LCP1: variants seen among roughly 807,000 people sequenced by gnomAD.
LCP1 encodes the protein lymphocyte cytosolic protein 1.
In LCP1, 23 loss-of-function variants were observed where a neutral mutation model predicts 72.0. That is an observed-to-expected ratio of 0.32 (90% CI 0.23 to 0.45). The LOEUF (loss-of-function observed/expected upper bound fraction) is 0.45, where lower values mean the gene tolerates loss of function less well. Ranked by LOEUF, LCP1 falls within the 20% of genes least tolerant of loss-of-function variation. The pLI is 1.00. For missense variants in LCP1, 571 were observed against 748.3 expected, an observed-to-expected ratio of 0.76 and a Z score of 2.76; for synonymous variants, 245 against 275.4, an observed-to-expected ratio of 0.89 and a Z score of 1.09.
intron 1 of LCP1, among the ~76,000 whole-genome samples, chr13:46,178,141 A>G (rs1202819164): frequency 6.6e-6 from 1 of 152,204 alleles, no homozygotes; most frequent in African/African-American, 2.4e-5. Flanking sequence ...TATGAAGAGG[A>G]CACCAGACAC....
chr13:46,140,940 C>T (rs547930002), intron 13 of LCP1, among the ~76,000 whole-genome samples: 9 of 152,118 alleles, frequency 5.9e-5, no homozygotes, highest in Non-Finnish European at 1.0e-4. Context: ...ACTAAAGCAT[C>T]GGTGAGCTTA....
At position 46,126,887 on chromosome 13, in the gene LCP1, G is replaced by GA. The variant is rs35072820; in HGVS notation, c.*703dup. On this transcript the variant is annotated 3_prime_UTR_variant, in exon 16 of 16. Transcript: ENST00000323076. Reference sequence around the variant, plus strand: ...AAAAGCAGAGGGGTTCTTAGTGGCTGAAAAAAAACAAAACCTGATGACATT... The same window carrying GA: ...AAAAGCAGAGGGGTTCTTAGTGGCTGAAAAAAAAACAAAACCTGATGACATT... The GA allele has an allele frequency of 3.3e-4, 76 of 229,626 alleles. No individual in the cohort carries two copies. The highest frequency in any genetic ancestry group is 6.4e-4 in the African/African-American group (29 of 45,162). 14.2% of individuals were successfully genotyped at this position (229,626 alleles called of 1,614,324 possible).
intron 1 of LCP1, among the ~76,000 whole-genome samples, chr13:46,177,701 AAAAC>A (rs755648927): frequency 1.1e-4 from 16 of 152,148 alleles, no homozygotes; most frequent in African/African-American, 2.2e-4. Flanking sequence ...TCTGTCTCAA[AAAAC>A]AAACAAACAA....
intron 2 of LCP1, 183 bp downstream of exon 2, chr13:46,159,416 T>G: frequency 1.7e-6 from 1 of 597,982 alleles, no homozygotes; most frequent in Non-Finnish European, 3.0e-6. Context: ...CATGTTTTGA[T>G]AGAGAAAGTC....
At chr13:46,155,887 C>T (rs2045798325) in intron 5 of LCP1, among the ~76,000 whole-genome samples, 1 of 152,196 alleles carries the variant, frequency 6.6e-6, no homozygotes, top group South Asian at 2.1e-4. Flanking sequence ...CTGCTATTAT[C>T]AATTCTATCT....
chr13:46,131,002 G>A, intron 14 of LCP1, 64 bp from the exon 15 acceptor site: 1 of 1,489,776 alleles, frequency 6.7e-7, no homozygotes, highest in Non-Finnish European at 8.9e-7. Context: ...TCAGCTCAAA[G>A]GAAGTGGGTG....
At chr13:46,155,001 G>T (rs1219225577) in intron 5 of LCP1, 115 bp from the exon 6 acceptor site, 6 of 769,560 alleles carry the variant, frequency 7.8e-6, no homozygotes, top group Middle Eastern at 3.3e-4. Context: ...CAGAATCTGT[G>T]ATGTTTAGAT....
chr13:46,150,831 G>T, intron 8 of LCP1, 105 bp downstream of exon 8: 3 of 1,284,036 alleles, frequency 2.3e-6, no homozygotes, highest in Non-Finnish European at 3.3e-6. Flanking sequence ...GACTACCCTG[G>T]AACTTCTGAA....
intron 5 of LCP1, among the ~76,000 whole-genome samples, chr13:46,155,445 G>A (rs2045794604): frequency 6.6e-6 from 1 of 152,142 alleles, no homozygotes; most frequent in African/African-American, 2.4e-5. Context: ...GGTGCCTTGG[G>A]TGGCAACCTA....
intron 15 of LCP1, among the ~76,000 whole-genome samples, chr13:46,128,550 A>T (rs1333248890): frequency 2.0e-5 from 3 of 152,090 alleles, no homozygotes; most frequent in Non-Finnish European, 4.4e-5. Context: ...GTGAGCCAAG[A>T]TCGTGCCACT....
intron 1 of LCP1, among the ~76,000 whole-genome samples, chr13:46,177,666 T>C (rs1377534124): frequency 6.6e-6 from 1 of 151,990 alleles, no homozygotes; most frequent in Non-Finnish European, 1.5e-5. Flanking sequence ...GCCACTGCAC[T>C]CCAGCCTGGG....
intron 1 of LCP1, among the ~76,000 whole-genome samples, chr13:46,178,940 C>G (rs1001693153): frequency 3.9e-5 from 6 of 152,190 alleles, no homozygotes; most frequent in Non-Finnish European, 2.9e-5. Context: ...CCTGTATACA[C>G]AGAAGGGCCT....
chr13:46,157,103 A>G (rs888291283), intron 4 of LCP1, among the ~76,000 whole-genome samples: 3 of 151,826 alleles, frequency 2.0e-5, no homozygotes, highest in African/African-American at 7.2e-5. Flanking sequence ...TGCAGGTGTG[A>G]GCCACCGCGC....
chr13:46,165,004 G>C (rs903109375), intron 1 of LCP1, among the ~76,000 whole-genome samples: 1 of 152,182 alleles, frequency 6.6e-6, no homozygotes, highest in Non-Finnish European at 1.5e-5. Context: ...TGTGCAAAGG[G>C]CAGTAATTTC....
chr13:46,179,372 G>GA (rs1295200914), intron 1 of LCP1, among the ~76,000 whole-genome samples: 2 of 151,824 alleles, frequency 1.3e-5, no homozygotes, highest in Admixed American at 6.6e-5. Flanking sequence ...AAGAAGCTGA[G>GA]AAAAAAAATA....
intron 3 of LCP1, 21 bp from the exon 4 acceptor site, chr13:46,158,672 T>A: frequency 6.2e-7 from 1 of 1,613,942 alleles, no homozygotes; most frequent in Non-Finnish European, 8.5e-7. Flanking sequence ...ATAATGTATC[T>A]TTAGAAACTC....
chr13:46,142,635 T>C (rs1349220932), intron 12 of LCP1: 1 of 593,250 alleles, frequency 1.7e-6, no homozygotes, highest in Non-Finnish European at 3.0e-6. Context: ...AAAATATTCA[T>C]AATGTGGAAA....
rs186699870 is a variant in LCP1, at chr13:46,152,449, T to A, written c.739+331A>T. Reference sequence around the variant, plus strand: ...AATGTGAGTTGCTTACTTCGCAAAGTGCAAGTTAAAAGTCCTCTTATTTGT... The same window carrying A: ...AATGTGAGTTGCTTACTTCGCAAAGAGCAAGTTAAAAGTCCTCTTATTTGT... On this transcript the variant is annotated intron_variant, in intron 7 of 15. Transcript: ENST00000323076. 3.4e-3 allele frequency among the ~76,000 whole-genome samples: 512 copies of A among 152,296 alleles called. 4 individuals carry two copies. Among genetic ancestry groups the A allele is most frequent in the African/African-American group, 0.011 (458 of 41,548 alleles).
intron 5 of LCP1, among the ~76,000 whole-genome samples, chr13:46,156,077 C>CT (rs2045799585): frequency 1.3e-5 from 2 of 152,154 alleles, no homozygotes; most frequent in Non-Finnish European, 2.9e-5. Flanking sequence ...ATCAGATAAA[C>CT]TTTTTAATGT....
Sources: allele counts gnomAD v4.1 joint callset (sites outside exome capture counted in the v4.1 genomes callset), GRCh38; gene constraint gnomAD v4.1.1; transcripts MANE v1.5; gene names NCBI Gene and HGNC (gene_info 2026-07-23, HGNC 2026-07-21).